Variants in MYRIP observed in about 807,000 individuals in gnomAD.
MYRIP encodes the protein rab effector MyRIP.
Under a neutral mutation model 98.0 loss-of-function variants are expected in MYRIP, and 49 were observed. The ratio of observed to expected loss-of-function variants is 0.50; its 90% confidence interval spans 0.40 to 0.63. The LOEUF (loss-of-function observed/expected upper bound fraction) is 0.63. Among genes scored for constraint, MYRIP ranks in the 30% least tolerant of loss-of-function variants. The probability of loss-of-function intolerance (pLI) is 0.00; values close to 1 mark genes in which losing one functional copy is unlikely to be tolerated. For synonymous variants in MYRIP, 404 were observed against 409.5 expected, an observed-to-expected ratio of 0.99 and a Z score of 0.16; for missense variants, 1,004 against 1,058.2, an observed-to-expected ratio of 0.95 and a Z score of 0.71.
chr3:39,938,839 A>G (rs982529210), intron 2 of MYRIP, among the ~76,000 whole-genome samples: 3 of 152,032 alleles, frequency 2.0e-5, no homozygotes, highest in African/African-American at 4.8e-5. Flanking sequence ...TGATGGTGCT[A>G]ATATAACAGA....
chr3:39,962,634 C>T (rs1392294298), intron 2 of MYRIP, among the ~76,000 whole-genome samples: 1 of 152,080 alleles, frequency 6.6e-6, no homozygotes, highest in Admixed American at 6.6e-5. Flanking sequence ...GGCTGTAGTG[C>T]AGTTACTTCT....
At chr3:39,958,716 A>G (rs1240267337) in intron 2 of MYRIP, among the ~76,000 whole-genome samples, 2 of 152,226 alleles carry the variant, frequency 1.3e-5, no homozygotes, top group Non-Finnish European at 2.9e-5. Flanking sequence ...GCACAGCAAA[A>G]GAAACTGCCA....
chr3:39,951,077 A>T (rs1386454409), intron 2 of MYRIP, among the ~76,000 whole-genome samples: 1 of 152,176 alleles, frequency 6.6e-6, no homozygotes, highest in Non-Finnish European at 1.5e-5. Context: ...TCTCTTCAGG[A>T]GACAGAACAA....
intron 3 of MYRIP, among the ~76,000 whole-genome samples, chr3:40,081,965 C>T (rs1414402043): frequency 6.6e-6 from 1 of 152,150 alleles, no homozygotes; most frequent in East Asian, 1.9e-4. Context: ...GCATGATGTC[C>T]TCCAGGGTCA....
intron 8 of MYRIP, among the ~76,000 whole-genome samples, chr3:40,171,859 A>T (rs997086473): frequency 5.9e-5 from 9 of 152,366 alleles, no homozygotes; most frequent in South Asian, 2.1e-4. Flanking sequence ...AGGGTAATTT[A>T]TAAAGTAAAG....
At chr3:39,959,241 C>G (rs370863308) in intron 2 of MYRIP, among the ~76,000 whole-genome samples, 6 of 152,182 alleles carry the variant, frequency 3.9e-5, no homozygotes, top group Admixed American at 1.3e-4. Context: ...TATTGTGGCA[C>G]TATTCACAAT....
intron 1 of MYRIP, among the ~76,000 whole-genome samples, chr3:39,858,730 C>T (rs1458309168): frequency 6.6e-6 from 1 of 151,942 alleles, no homozygotes. Flanking sequence ...AAATTAATAA[C>T]AGGAGGAAAA....
intron 10 of MYRIP, among the ~76,000 whole-genome samples, chr3:40,192,139 T>C (rs1210942357): frequency 2.0e-5 from 3 of 150,526 alleles, no homozygotes; most frequent in Non-Finnish European, 4.4e-5. Context: ...ATCATTATTT[T>C]TAATGCAGAG....
intron 3 of MYRIP, among the ~76,000 whole-genome samples, chr3:40,100,720 G>A (rs1256107736): frequency 6.6e-6 from 1 of 152,140 alleles, no homozygotes; most frequent in East Asian, 1.9e-4. Context: ...ACTTACTCTG[G>A]GCTAACCCAA....
intron 10 of MYRIP, among the ~76,000 whole-genome samples, chr3:40,196,414 A>G (rs555131208): frequency 1.3e-5 from 2 of 152,152 alleles, no homozygotes; most frequent in South Asian, 2.1e-4. Context: ...TATGCAATCC[A>G]TTGTCAAACT....
chr3:39,911,700 A>G (rs957586788), intron 2 of MYRIP, among the ~76,000 whole-genome samples: 1 of 152,214 alleles, frequency 6.6e-6, no homozygotes, highest in Admixed American at 6.5e-5. Context: ...TTTAGCCAGA[A>G]ATGGCCTGAA....
chr3:40,245,635 G>A lies in MYRIP; in HGVS notation c.2262+1028G>A, dbSNP rs187529682. ...CTGCACTCCAGCCTGGGGCAACAGA[G>A]TGAGACTCCATCTCCAAAAAAAAAA... On this transcript the variant is annotated intron_variant, in intron 13 of 16. Coordinates refer to ENST00000302541, the MANE Select transcript of MYRIP (RefSeq NM_015460.4). 5.3e-3 allele frequency among the ~76,000 whole-genome samples: 607 copies of A among 113,786 alleles called. 3 individuals are homozygous for A. Among genetic ancestry groups the A allele is most frequent in the African/African-American group, 0.021 (589 of 28,612 alleles). 74.6% of individuals were successfully genotyped at this position (113,786 alleles called of 152,430 possible).
chr3:39,864,326 T>A (rs1232450879), intron 1 of MYRIP, among the ~76,000 whole-genome samples: 1 of 151,270 alleles, frequency 6.6e-6, no homozygotes, highest in Non-Finnish European at 1.5e-5. Context: ...GGAAAAAAAA[T>A]ACATCAAATA....
chr3:40,219,788 T>C (rs1305265853), intron 11 of MYRIP, among the ~76,000 whole-genome samples: 1 of 152,032 alleles, frequency 6.6e-6, no homozygotes, highest in Non-Finnish European at 1.5e-5. Context: ...AGTGCCACAA[T>C]AAACATATGT....
chr3:40,222,920 G>C (rs1952377946), intron 11 of MYRIP, among the ~76,000 whole-genome samples: 1 of 152,218 alleles, frequency 6.6e-6, no homozygotes, highest in African/African-American at 2.4e-5. Flanking sequence ...AAGTGGTTCT[G>C]AGATTTACGG....
chr3:40,177,818 G>A (rs999223641), intron 8 of MYRIP, among the ~76,000 whole-genome samples: 1 of 152,160 alleles, frequency 6.6e-6, no homozygotes, highest in Non-Finnish European at 1.5e-5. Flanking sequence ...GACACTTACT[G>A]TGTGCCCAGT....
At chr3:39,884,904 C>T (rs1320614399) in intron 1 of MYRIP, among the ~76,000 whole-genome samples, 4 of 147,636 alleles carry the variant, frequency 2.7e-5, no homozygotes, top group Non-Finnish European at 4.5e-5. Flanking sequence ...AATCTCAATC[C>T]ATGTCTCTCT....
intron 3 of MYRIP, among the ~76,000 whole-genome samples, chr3:40,065,760 C>G (rs1425638728): frequency 6.6e-6 from 1 of 152,120 alleles, no homozygotes; most frequent in Admixed American, 6.5e-5. Flanking sequence ...TCTGTTGTCC[C>G]CCATCTCAAT....
Position 39,877,393 on chromosome 3 carries a change from G to A in MYRIP, c.-30-23394G>A, listed in dbSNP as rs969174880. On this transcript the variant is annotated intron_variant, in intron 1 of 16. Transcript: ENST00000302541. ...TGTTCCATTGCTGGTGAGGAACTGCGTTCCTTTGGAGGAGGAGAGGCGCTC... is the reference window on the plus strand; with the variant it reads ...TGTTCCATTGCTGGTGAGGAACTGCATTCCTTTGGAGGAGGAGAGGCGCTC... Among the ~76,000 whole-genome samples, 41 of 151,956 alleles carry A rather than the reference G, an allele frequency of 2.7e-4. 1 individual carries two copies. The Middle Eastern group carries it at 0.017, about 63-fold the overall frequency.
Sources: gnomAD v4.1 joint callset for allele counts (sites outside exome capture counted in the v4.1 genomes callset) on GRCh38, gnomAD v4.1.1 for gene constraint, MANE v1.5 for transcripts, NCBI Gene and HGNC (gene_info 2026-07-23, HGNC 2026-07-21) for gene names.